Variants in MTSS1 observed in about 807,000 individuals in gnomAD.
The protein encoded by MTSS1 is MTSS I-BAR domain containing 1.
MTSS1 carries 18 observed loss-of-function variants against 79.0 expected under a neutral mutation model. The ratio of observed to expected loss-of-function variants is 0.23; its 90% confidence interval spans 0.16 to 0.34. The LOEUF (loss-of-function observed/expected upper bound fraction) is 0.34, where lower values mean the gene tolerates loss of function less well. MTSS1 is among the 10% of genes least tolerant of loss of function. The probability of loss-of-function intolerance (pLI) is 1.00; values close to 1 mark genes in which losing one functional copy is unlikely to be tolerated. For missense variants in MTSS1, 815 were observed against 986.2 expected (o/e 0.83, Z 2.33); for synonymous variants, 341 against 368.6 (o/e 0.93, Z 0.86).
At chr8:124,643,933 C>T (rs996450159) in intron 3 of MTSS1, among the ~76,000 whole-genome samples, 31 of 152,012 alleles carry the variant, frequency 2.0e-4, no homozygotes, top group Admixed American at 1.8e-3. Context: ...TATTTAAAGT[C>T]AGGAAAAAGT....
At chr8:124,682,423 G>A (rs1301050029) in intron 3 of MTSS1, among the ~76,000 whole-genome samples, 10 of 152,186 alleles carry the variant, frequency 6.6e-5, no homozygotes, top group Admixed American at 1.3e-4. Context: ...TCTTCACCTC[G>A]GGCAAATAAT....
In MTSS1 at chr8:124,556,307, A is replaced by G. The variant is rs767626905; in HGVS notation, c.1329T>C (p.Thr443=). ...CTGCTGCAGGTGGGCCGCTGGCGGT[A>G]GTGGGTCCTCCCCCGTTGGGGTCCG... ...REPDPNGGGP[T]TASGPPAAAE... is the part of the protein sequence containing the mutation. Residue 443 remains threonine (T), a synonymous_variant, in exon 12 of 14, where the codon ACT becomes ACC. Transcript: ENST00000518547. 6.2e-7 allele frequency: 1 copy of G among 1,614,178 alleles called. No individual in the cohort carries two copies. Among genetic ancestry groups the G allele is most frequent in the Non-Finnish European group, 8.5e-7 (1 of 1,180,022 alleles).
At chr8:124,604,402 G>A (rs1439334838) in intron 3 of MTSS1, among the ~76,000 whole-genome samples, 1 of 151,968 alleles carries the variant, frequency 6.6e-6, no homozygotes, top group Non-Finnish European at 1.5e-5. Flanking sequence ...TAAGAGAAGA[G>A]AAACATTAGT....
intron 3 of MTSS1, among the ~76,000 whole-genome samples, chr8:124,609,916 A>G (rs910257765): frequency 1.3e-5 from 2 of 152,168 alleles, no homozygotes; most frequent in Non-Finnish European, 2.9e-5. Flanking sequence ...GAAATGAGAC[A>G]TTCTTCATAC....
At chr8:124,607,299 G>A (rs1398725582) in intron 3 of MTSS1, among the ~76,000 whole-genome samples, 1 of 152,160 alleles carries the variant, frequency 6.6e-6, no homozygotes, top group Admixed American at 6.5e-5. Context: ...TACAGGCCAG[G>A]GACAGAGGAT....
chr8:124,692,971 TAGGG>T (rs1301734130), intron 3 of MTSS1, among the ~76,000 whole-genome samples: 9 of 152,002 alleles, frequency 5.9e-5, no homozygotes, highest in Non-Finnish European at 1.3e-4. Context: ...ACAGCACAGC[TAGGG>T]GAATCCTCTG....
chr8:124,654,756 G>A (rs1483471414), intron 3 of MTSS1, among the ~76,000 whole-genome samples: 1 of 152,078 alleles, frequency 6.6e-6, no homozygotes, highest in Non-Finnish European at 1.5e-5. Context: ...ATAATGTAAT[G>A]TACCCATTAG....
At chr8:124,662,602 C>G (rs534161268) in intron 3 of MTSS1, among the ~76,000 whole-genome samples, 2 of 151,918 alleles carry the variant, frequency 1.3e-5, no homozygotes, top group Non-Finnish European at 2.9e-5. Context: ...TCTAGACATA[C>G]GTACTGTCAA....
At position 124,589,710 on chromosome 8, in the gene MTSS1, C is replaced by T. The variant is rs181264737; in HGVS notation, c.295G>A (p.Ala99Thr). 6 of 1,607,298 alleles carry T rather than the reference C, an allele frequency of 3.7e-6. No homozygotes were observed. Among genetic ancestry groups the T allele is most frequent in the African/African-American group, 1.3e-5 (1 of 74,536 alleles). ...GGGTTTATCAGACAATCAATTAAAGCGCTTTTACCAAGCGGGGGGGAAAAA... is the reference window on the plus strand; with the variant it reads ...GGGTTTATCAGACAATCAATTAAAGTGCTTTTACCAAGCGGGGGGGAAAAA... The part of the protein sequence containing the change: ...IEAKLRQFSS[A>T]LIDCLINPLQ... The change falls in exon 5 of 14, where the codon GCT (alanine) becomes ACT (threonine). Residue 99 changes from alanine to threonine, a missense_variant and splice_region_variant. Ala to Thr is a moderately conservative substitution (Grantham distance 58). Transcript: ENST00000518547.
In MTSS1 at chr8:124,555,940, T is replaced by TG. The variant is rs766293138; in HGVS notation, c.1405-37_1405-36insC. On this transcript the variant is annotated intron_variant, in intron 12 of 13. Transcript: ENST00000518547. ...GAGGAGAGAAATACACAGGTTGCTT[T>TG]AGGGGGGGGGCTCAACAGCACTCCT... is the stretch of plus-strand genomic sequence containing the variant. 67 of 1,579,646 alleles carry TG rather than the reference T, an allele frequency of 4.2e-5. No individual in the cohort carries two copies. The African/African-American group carries it at 7.4e-4, about 17-fold the overall frequency.
chr8:124,715,674 T>C (rs143158560), intron 1 of MTSS1, among the ~76,000 whole-genome samples: 1 of 138,364 alleles, frequency 7.2e-6, no homozygotes, highest in African/African-American at 3.0e-5. Context: ...GTGTTTGTCA[T>C]TTCCATAGCC....
chr8:124,703,397 A>G (rs1022197395), intron 2 of MTSS1, among the ~76,000 whole-genome samples: 1 of 152,196 alleles, frequency 6.6e-6, no homozygotes, highest in Non-Finnish European at 1.5e-5. Flanking sequence ...TATTCAAGCG[A>G]TTCTCCTGTC....
intron 5 of MTSS1, 150 bp downstream of exon 5, chr8:124,589,470 C>T (rs1322177898): frequency 1.4e-5 from 8 of 573,694 alleles, no homozygotes; most frequent in East Asian, 1.2e-4. Flanking sequence ...TCCCCTGACA[C>T]GGACGTGCCT....
At position 124,612,194 on chromosome 8, in the gene MTSS1, G is replaced by A. The variant is rs554794543; in HGVS notation, c.209-20959C>T. On this transcript the variant is annotated intron_variant, in intron 3 of 13. Coordinates refer to ENST00000518547, the MANE Select transcript of MTSS1 (RefSeq NM_014751.6). ...ACAGTTTCCCCCAGCAGTAACAACTGGGGAAAAAAGAAAGCACAAAGAGCA... is the reference window on the plus strand; with the variant it reads ...ACAGTTTCCCCCAGCAGTAACAACTAGGGAAAAAAGAAAGCACAAAGAGCA... 5.6e-4 allele frequency among the ~76,000 whole-genome samples: 85 copies of A among 152,298 alleles called. 2 individuals are homozygous for A. The highest frequency in any genetic ancestry group is 8.3e-4 in the South Asian group (4 of 4,828).
At chr8:124,663,887 G>A (rs779086527) in intron 3 of MTSS1, among the ~76,000 whole-genome samples, 4 of 152,194 alleles carry the variant, frequency 2.6e-5, no homozygotes, top group African/African-American at 7.2e-5. Context: ...AGGGCATCAC[G>A]GAGCACAGAG....
chr8:124,593,697 C>T (rs1321733170), intron 3 of MTSS1, among the ~76,000 whole-genome samples: 2 of 152,148 alleles, frequency 1.3e-5, no homozygotes, highest in Admixed American at 1.3e-4. Context: ...CACCTCCAGC[C>T]GCATCAGTAC....
At chr8:124,720,123 T>C (rs776637811) in intron 1 of MTSS1, among the ~76,000 whole-genome samples, 37 of 152,174 alleles carry the variant, frequency 2.4e-4, no homozygotes, top group Non-Finnish European at 4.0e-4. Context: ...CACTGTCTAA[T>C]GGGGCCTAAG....
intron 3 of MTSS1, among the ~76,000 whole-genome samples, chr8:124,596,280 G>A (rs1832746805): frequency 6.6e-6 from 1 of 152,142 alleles, no homozygotes; most frequent in South Asian, 2.1e-4. Context: ...CCCAGAACCA[G>A]GAACCAACGT....
chr8:124,595,743 T>C lies in MTSS1; in HGVS notation c.209-4508A>G, dbSNP rs1267667297. On this transcript the variant is annotated intron_variant, in intron 3 of 13. Transcript: ENST00000518547. ...TTCTAGGGGTTAGAACGTGGACATC[T>C]TTGGGGCATCCTTATCATGGCCATT... 3.9e-5 allele frequency among the ~76,000 whole-genome samples: 6 copies of C among 152,192 alleles called. No homozygotes were observed. The East Asian group carries it at 7.7e-4, about 20-fold the overall frequency.
Sources: gnomAD v4.1 joint callset for allele counts (sites outside exome capture counted in the v4.1 genomes callset) on GRCh38, gnomAD v4.1.1 for gene constraint, MANE v1.5 for transcripts, NCBI Gene and HGNC (gene_info 2026-07-23, HGNC 2026-07-21) for gene names.